NETO2: variants seen among roughly 807,000 people sequenced by gnomAD.
NETO2 encodes the protein neuropilin and tolloid like 2, also known as neuropilin and tolloid-like protein 2.
In NETO2, 28 loss-of-function variants were observed where a neutral mutation model predicts 62.5. The ratio of observed to expected loss-of-function variants is 0.45; its 90% CI spans 0.33 to 0.61. The LOEUF is 0.61. Ranked by LOEUF, NETO2 falls within the 20% of genes least tolerant of loss-of-function variation. The pLI, the probability that NETO2 is intolerant of heterozygous loss-of-function variation, is 0.02. For synonymous variants in NETO2, 214 were observed against 219.1 expected (o/e 0.98, Z 0.21); for missense variants, 548 against 643.2 (o/e 0.85, Z 1.60).
intron 1 of NETO2, among the ~76,000 whole-genome samples, chr16:47,133,657 AAAAT>A (rs1269768189): frequency 2.1e-5 from 3 of 145,796 alleles, no homozygotes; most frequent in Non-Finnish European, 4.5e-5. Context: ...AAAATAAAAT[AAAAT>A]AAAAACATGG....
chr16:47,113,630 C>T (rs544447034), intron 6 of NETO2, among the ~76,000 whole-genome samples: 9 of 110,540 alleles, frequency 8.1e-5, no homozygotes, highest in Admixed American at 5.2e-4. Flanking sequence ...TTGCTCTTGT[C>T]GCCCAGGCTG....
chr16:47,136,324 G>A (rs1964360802), intron 1 of NETO2, among the ~76,000 whole-genome samples: 1 of 151,976 alleles, frequency 6.6e-6, no homozygotes, highest in African/African-American at 2.4e-5. Flanking sequence ...AAACAGACAA[G>A]GTCCTTATTC....
chr16:47,111,880 ACT>A (rs552744548), intron 6 of NETO2, among the ~76,000 whole-genome samples: 411 of 152,180 alleles, frequency 2.7e-3, no homozygotes, highest in Non-Finnish European at 3.8e-3. Flanking sequence ...CTCCCTACAC[ACT>A]GACACTTTTA....
At position 47,078,580 on chromosome 16, in the gene NETO2, G is replaced by A. The variant is rs1047668482; in HGVS notation, c.*4641C>T. Reference sequence around the variant, plus strand: ...TTCAGAGTTTTGAATTATTAGCAGAGGTATATAAAACATAAGTGATTTTGC... The same window carrying A: ...TTCAGAGTTTTGAATTATTAGCAGAAGTATATAAAACATAAGTGATTTTGC... On this transcript the variant is annotated 3_prime_UTR_variant, in exon 9 of 9. Coordinates refer to ENST00000562435, the MANE Select transcript of NETO2 (RefSeq NM_018092.5). 3 of 152,074 alleles carry A rather than the reference G, an allele frequency of 2.0e-5. No homozygotes were observed. Among genetic ancestry groups the A allele is most frequent in the African/African-American group, 7.2e-5 (3 of 41,408 alleles). The allele number at this position is 152,074 out of a possible 1,614,324, so 9.4% of individuals were successfully genotyped here.
At chr16:47,137,021 C>CATAT (rs982783946) in intron 1 of NETO2, among the ~76,000 whole-genome samples, 1 of 152,136 alleles carries the variant, frequency 6.6e-6, no homozygotes, top group African/African-American at 2.4e-5. Flanking sequence ...AACATACATA[C>CATAT]ATATATACAT....
intron 4 of NETO2, among the ~76,000 whole-genome samples, chr16:47,126,785 A>G (rs1485098900): frequency 6.6e-6 from 1 of 152,224 alleles, no homozygotes; most frequent in Non-Finnish European, 1.5e-5. Flanking sequence ...AATAAAGTCT[A>G]TTAGACAATG....
intron 1 of NETO2, among the ~76,000 whole-genome samples, chr16:47,143,190 G>C (rs908599283): frequency 3.3e-5 from 5 of 152,124 alleles, no homozygotes; most frequent in African/African-American, 1.2e-4. Flanking sequence ...CACATCTGGA[G>C]AAAGAGCGGC....
At chr16:47,110,339 T>TC (rs1213105369) in intron 6 of NETO2, among the ~76,000 whole-genome samples, 1 of 152,210 alleles carries the variant, frequency 6.6e-6, no homozygotes, top group Non-Finnish European at 1.5e-5. Context: ...TCTATTAGCA[T>TC]CCCCCATTCA....
At chr16:47,127,037 G>T (rs1964171279) in intron 4 of NETO2, among the ~76,000 whole-genome samples, 1 of 152,120 alleles carries the variant, frequency 6.6e-6, no homozygotes, top group East Asian at 1.9e-4. Context: ...GAAAAACACT[G>T]GAAGGGATAT....
chr16:47,083,905 A>AATAT (rs1963127358), intron 8 of NETO2, 104 bp from the exon 9 acceptor site: 4 of 760,382 alleles, frequency 5.3e-6, no homozygotes, highest in African/African-American at 1.8e-5. Context: ...ACTTGGGCCA[A>AATAT]ATATACTACA....
chr16:47,122,509 T>A (rs912584139), intron 6 of NETO2, 148 bp downstream of exon 6: 1 of 856,376 alleles, frequency 1.2e-6, no homozygotes, highest in East Asian at 2.6e-5. Flanking sequence ...TAGATGCCAA[T>A]AAAGTAAGTG....
intron 1 of NETO2, among the ~76,000 whole-genome samples, chr16:47,141,537 T>G (rs987208627): frequency 6.6e-6 from 1 of 152,134 alleles, no homozygotes; most frequent in African/African-American, 2.4e-5. Flanking sequence ...CATTCCTGTC[T>G]TTTAATCCCC....
At position 47,082,963 on chromosome 16, in the gene NETO2, A is replaced by G; in HGVS notation, c.*258T>C. The G allele has an allele frequency of 2.7e-6, 1 of 376,378 alleles. No individual in the cohort carries two copies. The highest frequency in any genetic ancestry group is 4.7e-6 in the Non-Finnish European group (1 of 211,238). The allele number at this position is 376,378 out of a possible 1,614,324, so 23.3% of individuals were successfully genotyped here. A position where few individuals can be genotyped will look rare whatever the true frequency, so the allele number is the denominator to read the frequency against. ...CCAACCACCTCTTCTAATGCTCTTT[A>G]ACTGGCAGTGCTTCCTATAAATGAC... is the stretch of plus-strand genomic sequence containing the variant. On this transcript the variant is annotated 3_prime_UTR_variant, in exon 9 of 9. Transcript: ENST00000562435.
intron 1 of NETO2, among the ~76,000 whole-genome samples, chr16:47,141,623 T>C (rs973703898): frequency 6.6e-6 from 1 of 152,228 alleles, no homozygotes; most frequent in Non-Finnish European, 1.5e-5. Context: ...CATTTACAAG[T>C]TGATACCACA....
intron 6 of NETO2, among the ~76,000 whole-genome samples, chr16:47,119,881 G>T (rs1395058835): frequency 6.6e-6 from 1 of 152,142 alleles, no homozygotes; most frequent in Non-Finnish European, 1.5e-5. Flanking sequence ...TATATGTTCA[G>T]ACTTCCTTTG....
intron 3 of NETO2, 109 bp from the exon 4 acceptor site, chr16:47,128,682 C>T: frequency 8.3e-7 from 1 of 1,204,470 alleles, no homozygotes; most frequent in East Asian, 2.3e-5. Flanking sequence ...GCTTCATAGA[C>T]AAAGGTCTTA....
intron 8 of NETO2, among the ~76,000 whole-genome samples, chr16:47,085,782 G>A (rs1023463049): frequency 6.6e-5 from 10 of 152,004 alleles, no homozygotes; most frequent in Admixed American, 5.9e-4. Flanking sequence ...CCATTTAAAA[G>A]AACATTTACA....
intron 4 of NETO2, among the ~76,000 whole-genome samples, chr16:47,126,454 G>A (rs888202942): frequency 4.6e-5 from 7 of 152,170 alleles, no homozygotes; most frequent in Non-Finnish European, 1.0e-4. Flanking sequence ...AGAGATCAGC[G>A]ATTGCCAGTG....
intron 6 of NETO2, among the ~76,000 whole-genome samples, chr16:47,115,417 G>A (rs1963890271): frequency 6.6e-6 from 1 of 151,730 alleles, no homozygotes; most frequent in Non-Finnish European, 1.5e-5. Context: ...GGTCTTTTAA[G>A]TTTTCAGTTA....
Sources: allele counts gnomAD v4.1 joint callset (sites outside exome capture counted in the v4.1 genomes callset), GRCh38; gene constraint gnomAD v4.1.1; transcripts MANE v1.5; gene names NCBI Gene and HGNC (gene_info 2026-07-23, HGNC 2026-07-21).